Variants in MCOLN2 observed in about 807,000 individuals in gnomAD.
MCOLN2 encodes the protein mucolipin-2.
In MCOLN2, 57 loss-of-function variants were observed where a neutral mutation model predicts 67.5. That is an observed-to-expected ratio of 0.84 (90% CI 0.68 to 1.05). MCOLN2 has a LOEUF of 1.05. Among genes scored for constraint, MCOLN2 ranks in the 50% least tolerant of loss-of-function variants. The pLI is 0.00. For synonymous variants in MCOLN2, 246 were observed against 233.3 expected (o/e 1.05, Z -0.50); for missense variants, 620 against 678.8 (o/e 0.91, Z 0.96).
At chr1:84,944,913 G>C (rs1648006638) in intron 7 of MCOLN2, among the ~76,000 whole-genome samples, 1 of 152,150 alleles carries the variant, frequency 6.6e-6, no homozygotes, top group Non-Finnish European at 1.5e-5. Flanking sequence ...CAATCCACCA[G>C]ACAGCTTCAT....
intron 1 of MCOLN2, among the ~76,000 whole-genome samples, chr1:84,981,456 A>G (rs1650252400): frequency 1.3e-5 from 2 of 152,216 alleles, no homozygotes; most frequent in South Asian, 2.1e-4. Flanking sequence ...ACATACACAC[A>G]ATGGAGTACT....
chr1:84,947,330 G>C (rs934378198), intron 6 of MCOLN2, among the ~76,000 whole-genome samples, 198 bp from the exon 7 acceptor site: 1 of 143,562 alleles, frequency 7.0e-6, no homozygotes. Context: ...ACACACACAC[G>C]GGACCAAAAT....
chr1:84,952,578 G>T, intron 4 of MCOLN2, 48 bp from the exon 5 acceptor site: 4 of 1,199,402 alleles, frequency 3.3e-6, no homozygotes, highest in Non-Finnish European at 5.0e-6. Flanking sequence ...CAAGAATTAG[G>T]TGCTAAAACT....
In MCOLN2 at chr1:84,987,538, ATACATAGATG is replaced by A. The variant is rs1290832170; in HGVS notation, c.77+9248_77+9257del. On this transcript the variant is annotated intron_variant, in intron 1 of 13. Transcript: ENST00000370608. ...TATGTATATATGTATACATCTATGT[ATACATAGATG>A]TATACATCTATGTATACATAGATGT... is the stretch of plus-strand genomic sequence containing the variant. Among the ~76,000 whole-genome samples, 34 of 79,736 alleles carry A rather than the reference ATACATAGATG, an allele frequency of 4.3e-4. 4 individuals are homozygous for A. The highest frequency in any genetic ancestry group is 1.0e-3 in the African/African-American group (21 of 20,018). The allele number at this position is 79,736 out of a possible 152,430, so 52.3% of individuals were successfully genotyped here.
chr1:84,981,503 C>T (rs1392917229), intron 1 of MCOLN2, among the ~76,000 whole-genome samples: 1 of 152,140 alleles, frequency 6.6e-6, no homozygotes, highest in Non-Finnish European at 1.5e-5. Flanking sequence ...TCATTTGCAA[C>T]AACATGGATG....
chr1:84,932,684 G>A (rs1340255991), intron 11 of MCOLN2, among the ~76,000 whole-genome samples: 1 of 152,122 alleles, frequency 6.6e-6, no homozygotes, highest in East Asian at 1.9e-4. Context: ...TTAAAACTCT[G>A]TGTTGAATTG....
chr1:84,953,440 C>T (rs1648610197), intron 4 of MCOLN2, among the ~76,000 whole-genome samples: 1 of 151,816 alleles, frequency 6.6e-6, no homozygotes, highest in Non-Finnish European at 1.5e-5. Context: ...ATCCCAGCTA[C>T]TCAGGAAGCT....
chr1:84,941,940 C>T (rs1647811123), intron 7 of MCOLN2, among the ~76,000 whole-genome samples: 1 of 152,194 alleles, frequency 6.6e-6, no homozygotes, highest in South Asian at 2.1e-4. Context: ...TCTCAGACTT[C>T]ACGGTAGTGT....
intron 2 of MCOLN2, among the ~76,000 whole-genome samples, chr1:84,965,312 C>T (rs1649322065): frequency 6.6e-6 from 1 of 152,214 alleles, no homozygotes. Context: ...CCCCACAGAT[C>T]TGCATTTATT....
At position 84,965,948 on chromosome 1, in the gene MCOLN2, T is replaced by C. The variant is rs1179016819; in HGVS notation, c.78-240A>G. The stretch of plus-strand genomic sequence containing the variant: ...TCCTACCTTTCCACACAGCCACCCA[T>C]CTTGTTCAAAATGGCCAATCTCGGC... On this transcript the variant is annotated intron_variant, in intron 1 of 13. Transcript: ENST00000370608. Among the ~76,000 whole-genome samples the C allele has an allele frequency of 2.6e-5, 4 of 152,244 alleles. No individual in the cohort carries two copies. In the East Asian group the frequency reaches 7.7e-4, roughly 29 times the overall value.
chr1:84,935,569 A>G (rs770595055), intron 11 of MCOLN2, among the ~76,000 whole-genome samples: 1 of 152,244 alleles, frequency 6.6e-6, no homozygotes, highest in Non-Finnish European at 1.5e-5. Flanking sequence ...GGAGGAATGT[A>G]AAATATTTCA....
rs11351944 is a variant in MCOLN2, at chr1:84,990,826, T to TG, written c.77+5969dup. On this transcript the variant is annotated intron_variant, in intron 1 of 13. Transcript: ENST00000370608. Reference sequence around the variant, plus strand: ...GCAGGCACCTGTAGTCCCAATTACTTGGGGGGGCTGAGGCAGGAGGATCGC... The same window carrying TG: ...GCAGGCACCTGTAGTCCCAATTACTTGGGGGGGGCTGAGGCAGGAGGATCGC... Among the ~76,000 whole-genome samples the TG allele has an allele frequency of 4.4e-4, 66 of 151,578 alleles. 1 individual carries two copies. The highest frequency in any genetic ancestry group is 6.8e-3 in the Middle Eastern group (2 of 294).
intron 1 of MCOLN2, among the ~76,000 whole-genome samples, chr1:84,967,776 GGGAGGGAAGGAGAAAAAGGAGAGAGGGA>G (rs1429397255): frequency 1.5e-5 from 2 of 136,342 alleles, no homozygotes; most frequent in African/African-American, 5.6e-5. Flanking sequence ...GAGAGAGGGA[GGGAGGGAAGGAGAAAAAGGAGAGAGGGA>G]GGGAGGAGAG....
At chr1:84,987,643 G>A (rs576524146) in intron 1 of MCOLN2, among the ~76,000 whole-genome samples, 2 of 134,660 alleles carry the variant, frequency 1.5e-5, no homozygotes, top group East Asian at 2.2e-4. Context: ...TATGTATATA[G>A]AAATATATAC....
intron 2 of MCOLN2, among the ~76,000 whole-genome samples, chr1:84,960,500 CA>C (rs1649031560): frequency 6.6e-6 from 1 of 152,210 alleles, no homozygotes; most frequent in African/African-American, 2.4e-5. Context: ...TACTGTTCAG[CA>C]TTTGAGTCTC....
At chr1:84,988,201 AT>A (rs1384764813) in intron 1 of MCOLN2, among the ~76,000 whole-genome samples, 1 of 146,014 alleles carries the variant, frequency 6.8e-6, no homozygotes, top group African/African-American at 2.5e-5. Flanking sequence ...TCATCTGAGG[AT>A]TTTTTTTTAA....
intron 2 of MCOLN2, among the ~76,000 whole-genome samples, chr1:84,963,701 C>T (rs987970721): frequency 3.9e-5 from 6 of 152,174 alleles, no homozygotes; most frequent in African/African-American, 1.4e-4. Flanking sequence ...CTCTCATGCT[C>T]TGCCATACGA....
chr1:84,996,493 G>A (rs1016348571), intron 1 of MCOLN2, among the ~76,000 whole-genome samples: 2 of 147,998 alleles, frequency 1.4e-5, no homozygotes, highest in African/African-American at 5.0e-5. Context: ...TGGCTCAACT[G>A]TGCTGGGGTG....
chr1:84,965,302 C>G (rs1238668625), intron 2 of MCOLN2, among the ~76,000 whole-genome samples: 1 of 152,162 alleles, frequency 6.6e-6, no homozygotes, highest in Non-Finnish European at 1.5e-5. Context: ...AGAAACCCCT[C>G]CCCACAGATC....
Sources: allele counts gnomAD v4.1 joint callset (sites outside exome capture counted in the v4.1 genomes callset), GRCh38; gene constraint gnomAD v4.1.1; transcripts MANE v1.5; gene names NCBI Gene and HGNC (gene_info 2026-07-23, HGNC 2026-07-21).